The following ZNF385D variants were observed in gnomAD, a reference collection of about 807,000 sequenced individuals.
The protein encoded by ZNF385D is zinc finger protein 659.
A neutral mutation model predicts 35.8 loss-of-function variants in ZNF385D; 15 were observed. The ratio of observed to expected loss-of-function variants is 0.42; its 90% CI spans 0.28 to 0.64. The LOEUF (loss-of-function observed/expected upper bound fraction) is 0.64. Ranked by LOEUF, ZNF385D falls within the 30% of genes least tolerant of loss-of-function variation. The pLI, the probability that ZNF385D is intolerant of heterozygous loss-of-function variation, is 0.23. For synonymous variants in ZNF385D, 212 were observed against 186.8 expected, an observed-to-expected ratio of 1.13 and a Z score of -1.10; for missense variants, 474 against 494.6, an observed-to-expected ratio of 0.96 and a Z score of 0.39.
chr3:22,222,465 G>C (rs915584069), intron 2 of ZNF385D, among the ~76,000 whole-genome samples: 18 of 152,222 alleles, frequency 1.2e-4, no homozygotes, highest in East Asian at 3.9e-4. Flanking sequence ...GCCCTCAAAG[G>C]AAATGGTCAT....
At chr3:21,979,669 A>G (rs1694305059) in intron 3 of ZNF385D, 1 of 152,218 alleles carries the variant, frequency 6.6e-6, no homozygotes, top group African/African-American at 2.4e-5. Flanking sequence ...ACTACTTTTC[A>G]GATATTGTAT....
intron 2 of ZNF385D, among the ~76,000 whole-genome samples, chr3:22,229,246 G>C (rs1481417454): frequency 6.6e-6 from 1 of 152,108 alleles, no homozygotes; most frequent in East Asian, 1.9e-4. Context: ...TATTATGTTT[G>C]CTTTTGACTT....
At chr3:22,024,473 T>C (rs890115228) in intron 3 of ZNF385D, among the ~76,000 whole-genome samples, 1 of 152,050 alleles carries the variant, frequency 6.6e-6, no homozygotes, top group Admixed American at 6.6e-5. Flanking sequence ...CTGCTTGATA[T>C]GATTAGACTC....
chr3:21,810,990 G>A lies in ZNF385D; in HGVS notation c.326-145962C>T, dbSNP rs71310285. Reference sequence around the variant, plus strand: ...TGTATACGTGTGTGTGTGTGTGTGTGTGTGTGTGTATATATATATACATTT... The same window carrying A: ...TGTATACGTGTGTGTGTGTGTGTGTATGTGTGTGTATATATATATACATTT... On this transcript the variant is annotated intron_variant, in intron 3 of 5. Coordinates refer to the ZNF385D transcript ENST00000494108. Among the ~76,000 whole-genome samples the A allele has an allele frequency of 2.0e-3, 199 of 97,252 alleles. 1 individual carries two copies. The highest frequency in any genetic ancestry group is 7.5e-3 in the African/African-American group (186 of 24,880). The allele number at this position is 97,252 out of a possible 152,430, so 63.8% of individuals were successfully genotyped here.
chr3:22,184,550 G>T (rs1281682248), intron 2 of ZNF385D, among the ~76,000 whole-genome samples: 2 of 152,098 alleles, frequency 1.3e-5, no homozygotes, highest in South Asian at 2.1e-4. Flanking sequence ...ACGGGGCCAG[G>T]TACAGTGGCT....
intron 3 of ZNF385D, among the ~76,000 whole-genome samples, chr3:22,024,109 G>GA (rs1479705298): frequency 1.3e-5 from 2 of 152,102 alleles, no homozygotes; most frequent in East Asian, 3.9e-4. Flanking sequence ...AAAGCAGGCA[G>GA]AAAAAAACAT....
chr3:21,633,266 T>A (rs2125839806), intron 2 of ZNF385D, among the ~76,000 whole-genome samples: 1 of 152,186 alleles, frequency 6.6e-6, no homozygotes, highest in South Asian at 2.1e-4. Flanking sequence ...TTACCTCAAA[T>A]AACAGCTGGC....
At chr3:22,256,174 T>A (rs972592959) in intron 2 of ZNF385D, among the ~76,000 whole-genome samples, 1 of 148,816 alleles carries the variant, frequency 6.7e-6, no homozygotes, top group African/African-American at 2.5e-5. Flanking sequence ...TATATATACA[T>A]ATACATATAC....
chr3:21,959,592 A>G (rs558982832), intron 3 of ZNF385D, among the ~76,000 whole-genome samples: 2 of 152,300 alleles, frequency 1.3e-5, no homozygotes, highest in South Asian at 4.1e-4. Context: ...AGATGTACTC[A>G]GAAGTTGTTC....
chr3:21,454,473 G>A (rs529773532), intron 4 of ZNF385D, among the ~76,000 whole-genome samples: 1 of 152,040 alleles, frequency 6.6e-6, no homozygotes, highest in South Asian at 2.1e-4. Flanking sequence ...CATTACTTGT[G>A]TAACAGCCAC....
At chr3:21,624,614 T>A (rs1429621892) in intron 2 of ZNF385D, among the ~76,000 whole-genome samples, 1 of 151,872 alleles carries the variant, frequency 6.6e-6, no homozygotes, top group Non-Finnish European at 1.5e-5. Context: ...TTCCCAACTT[T>A]CCAGAGAAAC....
intron 2 of ZNF385D, among the ~76,000 whole-genome samples, chr3:22,355,774 C>T (rs532396821): frequency 1.3e-5 from 2 of 151,912 alleles, no homozygotes; most frequent in Non-Finnish European, 2.9e-5. Context: ...ATTCATTTGT[C>T]CTTAACCCAA....
At chr3:21,454,172 T>C (rs1339267065) in intron 4 of ZNF385D, among the ~76,000 whole-genome samples, 1 of 151,942 alleles carries the variant, frequency 6.6e-6, no homozygotes, top group Non-Finnish European at 1.5e-5. Flanking sequence ...AAAGAGTAGA[T>C]TAGTGGTTGC....
chr3:22,240,960 C>G (rs1699461287), intron 2 of ZNF385D, among the ~76,000 whole-genome samples: 1 of 150,968 alleles, frequency 6.6e-6, no homozygotes, highest in Non-Finnish European at 1.5e-5. Context: ...GCTTCTACAT[C>G]TCTGGCTTCT....
chr3:22,180,151 A>T (rs1487901809), intron 2 of ZNF385D, among the ~76,000 whole-genome samples: 1 of 152,260 alleles, frequency 6.6e-6, no homozygotes, highest in Non-Finnish European at 1.5e-5. Flanking sequence ...AGAGAATACT[A>T]TAAACACCTC....
intron 2 of ZNF385D, among the ~76,000 whole-genome samples, chr3:22,226,982 T>C (rs566947390): frequency 1.5e-3 from 221 of 152,328 alleles, no homozygotes; most frequent in Non-Finnish European, 2.8e-3. Flanking sequence ...GGCTAGACTC[T>C]TGTTACTCAT....
At chr3:21,650,698 A>G (rs13078128) in intron 2 of ZNF385D, among the ~76,000 whole-genome samples, 4 of 152,124 alleles carry the variant, frequency 2.6e-5, no homozygotes, top group African/African-American at 9.7e-5. Context: ...CTACATGCTC[A>G]CCTCTCACAG....
At chr3:22,087,959 A>G (rs962893370) in intron 3 of ZNF385D, among the ~76,000 whole-genome samples, 1 of 152,158 alleles carries the variant, frequency 6.6e-6, no homozygotes, top group African/African-American at 2.4e-5. Context: ...CATTTATTTG[A>G]CTGGGAAAGG....
chr3:21,827,278 G>A (rs1694701908), intron 3 of ZNF385D, among the ~76,000 whole-genome samples: 1 of 152,048 alleles, frequency 6.6e-6, no homozygotes, highest in Admixed American at 6.5e-5. Flanking sequence ...CCTGGATATT[G>A]TTTATTTTAT....
Sources: allele counts gnomAD v4.1 joint callset (sites outside exome capture counted in the v4.1 genomes callset), GRCh38; gene constraint gnomAD v4.1.1; transcripts MANE v1.5; gene names NCBI Gene and HGNC (gene_info 2026-07-23, HGNC 2026-07-21).